The following HACE1 variants were observed in gnomAD, a reference collection of about 807,000 sequenced individuals.
HACE1 encodes the protein HECT domain and ankyrin repeat containing E3 ubiquitin protein ligase 1.
A neutral mutation model predicts 118.4 loss-of-function variants in HACE1; 73 were observed. The ratio of observed to expected loss-of-function variants is 0.62; its 90% CI spans 0.51 to 0.75. The LOEUF (loss-of-function observed/expected upper bound fraction) is 0.75. Among genes scored for constraint, HACE1 ranks in the 30% least tolerant of loss-of-function variants. The pLI, the probability that HACE1 is intolerant of heterozygous loss-of-function variation, is 0.00. For missense variants in HACE1, 749 were observed against 1,102.2 expected (o/e 0.68, Z 4.54); for synonymous variants, 368 against 374.8 (o/e 0.98, Z 0.21).
intron 14 of HACE1, among the ~76,000 whole-genome samples, chr6:104,777,726 C>T (rs1781362045): frequency 6.6e-6 from 1 of 152,072 alleles, no homozygotes; most frequent in Admixed American, 6.6e-5. Flanking sequence ...TCTCTTACAC[C>T]TAATCTTATT....
chr6:104,797,089 G>A, intron 7 of HACE1, 64 bp from the exon 8 acceptor site: 1 of 898,876 alleles, frequency 1.1e-6, no homozygotes, highest in South Asian at 1.3e-5. Flanking sequence ...ATGAATTATG[G>A]ATAGTTAATA....
rs114792223 is a variant in HACE1 at position 104,780,673 on chromosome 6, T to C, written c.1567-3356A>G. Among the ~76,000 whole-genome samples, 1,015 of 152,212 alleles carry C rather than the reference T, an allele frequency of 6.7e-3. 10 individuals carry two copies. The highest frequency in any genetic ancestry group is 0.023 in the African/African-American group (969 of 41,518). On this transcript the variant is annotated intron_variant, in intron 14 of 23. Transcript: ENST00000262903. ...ATTTATTTCCTACAAACAAGGGAAT[T>C]TTCCTCTATAACTAGATAACAACCA... is the stretch of plus-strand genomic sequence containing the variant.
chr6:104,829,951 T>A (rs991919693), intron 6 of HACE1, among the ~76,000 whole-genome samples: 1 of 152,222 alleles, frequency 6.6e-6, no homozygotes, highest in Non-Finnish European at 1.5e-5. Context: ...CAGAAGGCAA[T>A]TCTAAATTTT....
chr6:104,839,524 A>T (rs1774884790), intron 5 of HACE1, among the ~76,000 whole-genome samples: 1 of 152,224 alleles, frequency 6.6e-6, no homozygotes, highest in South Asian at 2.1e-4. Context: ...TGTGAAGGAC[A>T]AAGGGAAAGG....
At chr6:104,823,511 T>TTA (rs397785290) in intron 6 of HACE1, among the ~76,000 whole-genome samples, 10 of 151,184 alleles carry the variant, frequency 6.6e-5, no homozygotes, top group South Asian at 4.2e-4. Flanking sequence ...TCTATTTTTT[T>TTA]AAAAAAAACA....
intron 14 of HACE1, among the ~76,000 whole-genome samples, chr6:104,783,380 AAG>A (rs1781951797): frequency 6.6e-6 from 1 of 151,846 alleles, no homozygotes; most frequent in African/African-American, 2.4e-5. Context: ...CCTCTTAGAG[AAG>A]GGAAGTAAGT....
chr6:104,858,884 C>G (rs933285101), intron 1 of HACE1, among the ~76,000 whole-genome samples: 5 of 152,162 alleles, frequency 3.3e-5, no homozygotes, highest in African/African-American at 9.7e-5. Flanking sequence ...AACCCTGGCA[C>G]GCTGAACTAA....
chr6:104,785,266 T>G lies in HACE1; in HGVS notation c.1128A>C (p.Thr376=). The G allele has an allele frequency of 6.2e-7, 1 of 1,613,028 alleles. No individual in the cohort carries two copies. Among genetic ancestry groups the G allele is most frequent in the Non-Finnish European group, 8.5e-7 (1 of 1,179,104 alleles). ...AGTCTCTTTTGTTTTTCATCAATTCTGTGGCTATTAAAACTAGCCATTCAT... is the reference window on the plus strand; with the variant it reads ...AGTCTCTTTTGTTTTTCATCAATTCGGTGGCTATTAAAACTAGCCATTCAT... ...SLDEWLVLIA[T]ELMKNKRDST... The change falls in exon 12 of 24, where the codon ACA becomes ACC. Residue 376 remains threonine (T), a synonymous_variant. Coordinates refer to ENST00000262903, the MANE Select transcript of HACE1 (RefSeq NM_020771.4).
chr6:104,741,256 G>A (rs1776643321), intron 22 of HACE1, among the ~76,000 whole-genome samples: 1 of 112,454 alleles, frequency 8.9e-6, no homozygotes, highest in Non-Finnish European at 1.7e-5. Flanking sequence ...GCACAAGACA[G>A]GGACGCCCTC....
At chr6:104,737,301 AAAAAAAG>A (rs1356865776) in intron 22 of HACE1, among the ~76,000 whole-genome samples, 2 of 151,118 alleles carry the variant, frequency 1.3e-5, no homozygotes, top group Non-Finnish European at 3.0e-5. Context: ...AAAAAAAAAA[AAAAAAAG>A]AAAATTTGGG....
intron 19 of HACE1, among the ~76,000 whole-genome samples, chr6:104,767,171 G>T (rs1412314306): frequency 6.6e-6 from 1 of 152,046 alleles, no homozygotes; most frequent in Non-Finnish European, 1.5e-5. Context: ...GAAACACAAA[G>T]CACTCAATAA....
rs534288062 is a variant in HACE1, at chr6:104,758,229, C to T, written c.2212-7757G>A. 6.6e-5 allele frequency among the ~76,000 whole-genome samples: 10 copies of T among 152,076 alleles called. No homozygotes were observed. In the South Asian group the frequency reaches 1.0e-3, roughly 16 times the overall value. On this transcript the variant is annotated intron_variant, in intron 19 of 23. Transcript: ENST00000262903. ...AAAGATACTCCTCGAGAAGAGCAAC[C>T]CCAAGACATATAAAATGTCAGATTC...
chr6:104,776,308 A>C (rs1424249992), intron 17 of HACE1, among the ~76,000 whole-genome samples: 1 of 152,206 alleles, frequency 6.6e-6, no homozygotes, highest in East Asian at 1.9e-4. Flanking sequence ...GAGTTAGCAA[A>C]TTTTTATTTT....
intron 10 of HACE1, among the ~76,000 whole-genome samples, chr6:104,795,256 G>C (rs1359466226): frequency 1.3e-5 from 2 of 152,142 alleles, no homozygotes; most frequent in African/African-American, 4.8e-5. Flanking sequence ...TTATTAATTA[G>C]TGGTCAAGAT....
chr6:104,756,425 AAAT>A (rs1273217374), intron 19 of HACE1, among the ~76,000 whole-genome samples: 62 of 109,710 alleles, frequency 5.7e-4, no homozygotes, highest in African/African-American at 1.7e-3. Flanking sequence ...AAAAAAAAAA[AAAT>A]ATATATATAT....
At chr6:104,832,748 T>C (rs964177704) in intron 6 of HACE1, among the ~76,000 whole-genome samples, 8 of 151,892 alleles carry the variant, frequency 5.3e-5, no homozygotes, top group African/African-American at 1.2e-4. Context: ...CAGAAGTCCA[T>C]ATGGGCCAGG....
intron 5 of HACE1, among the ~76,000 whole-genome samples, chr6:104,840,291 T>C (rs941180785): frequency 6.6e-6 from 1 of 152,182 alleles, no homozygotes; most frequent in Admixed American, 6.5e-5. Flanking sequence ...TAACTATGAA[T>C]AGTTTTCGTG....
At chr6:104,780,061 A>G (rs1781566616) in intron 14 of HACE1, among the ~76,000 whole-genome samples, 1 of 152,164 alleles carries the variant, frequency 6.6e-6, no homozygotes, top group Non-Finnish European at 1.5e-5. Context: ...AATACCTAGA[A>G]TGCTCAATAA....
chr6:104,849,750 G>A (rs1312206854), intron 3 of HACE1, among the ~76,000 whole-genome samples: 6 of 150,986 alleles, frequency 4.0e-5, no homozygotes, highest in East Asian at 1.9e-4. Flanking sequence ...CCGGGTTCAC[G>A]CCATTCTCCT....
Sources: allele counts gnomAD v4.1 joint callset (sites outside exome capture counted in the v4.1 genomes callset), GRCh38; gene constraint gnomAD v4.1.1; transcripts MANE v1.5; gene names NCBI Gene and HGNC (gene_info 2026-07-23, HGNC 2026-07-21).